Variants in GTF2H3 observed in about 807,000 individuals in gnomAD.
GTF2H3 encodes the protein general transcription factor IIH subunit 3.
A neutral mutation model predicts 51.1 loss-of-function variants in GTF2H3; 42 were observed. The observed-to-expected ratio is 0.82, with a 90% CI of 0.64 to 1.06. The LOEUF (loss-of-function observed/expected upper bound fraction) is 1.06, where lower values mean the gene tolerates loss of function less well. GTF2H3 is among the 50% of genes least tolerant of loss of function. GTF2H3 has a pLI of 0.00. For synonymous variants in GTF2H3, 123 were observed against 123.8 expected (o/e 0.99, Z 0.04); for missense variants, 326 against 366.1 (o/e 0.89, Z 0.89).
intron 1 of GTF2H3, among the ~76,000 whole-genome samples, chr12:123,638,404 C>T (rs1955317732): frequency 6.6e-6 from 1 of 151,822 alleles, no homozygotes; most frequent in Admixed American, 6.6e-5. Context: ...CTTATGACCT[C>T]AAGTGATCCC....
At chr12:123,655,312 A>G (rs968849181) in intron 8 of GTF2H3, among the ~76,000 whole-genome samples, 3 of 152,210 alleles carry the variant, frequency 2.0e-5, no homozygotes, top group African/African-American at 7.2e-5. Context: ...TAAACCTTGC[A>G]TCAGTTTCTT....
At chr12:123,648,761 C>T (rs1299012709) in intron 4 of GTF2H3, among the ~76,000 whole-genome samples, 2 of 152,198 alleles carry the variant, frequency 1.3e-5, no homozygotes, top group Non-Finnish European at 2.9e-5. Context: ...AAATCCTAGT[C>T]GTTTAGCCTC....
chr12:123,648,642 ACAC>A (rs1955481396), intron 4 of GTF2H3, among the ~76,000 whole-genome samples: 1 of 152,002 alleles, frequency 6.6e-6, no homozygotes, highest in African/African-American at 2.4e-5. Flanking sequence ...GCTCTCACTC[ACAC>A]CACCATTTCC....
In GTF2H3 at chr12:123,661,186, A is replaced by G. The variant is rs1194853799; in HGVS notation, c.*951A>G. On this transcript the variant is annotated 3_prime_UTR_variant, in exon 13 of 13. Transcript: ENST00000543341. ...TCTAGAAGCTTTGGACTGAATCCCAAAAGTGTTTATAAGTTCAAAAGCAAA... is the reference window on the plus strand; with the variant it reads ...TCTAGAAGCTTTGGACTGAATCCCAGAAGTGTTTATAAGTTCAAAAGCAAA... The G allele has an allele frequency of 6.6e-6, 1 of 152,202 alleles. No homozygotes were observed. The highest frequency in any genetic ancestry group is 1.5e-5 in the Non-Finnish European group (1 of 68,038). The allele number at this position is 152,202 out of a possible 1,614,324, so 9.4% of individuals were successfully genotyped here. A position where few individuals can be genotyped will look rare whatever the true frequency, so the allele number is the denominator to read the frequency against.
chr12:123,659,585 G>A lies in GTF2H3; in HGVS notation c.684+1G>A. 3 of 1,613,330 alleles carry A rather than the reference G, an allele frequency of 1.9e-6. No homozygotes were observed. The highest frequency in any genetic ancestry group is 1.7e-6 in the Non-Finnish European group (2 of 1,179,360). ...GCCTTCTCTTCTGCAGTATTTGCTGGTAAGGAGACAGCAGCGGCGACCCTG... is the reference window on the plus strand; with the variant it reads ...GCCTTCTCTTCTGCAGTATTTGCTGATAAGGAGACAGCAGCGGCGACCCTG... On this transcript the variant is annotated splice_donor_variant, in intron 10 of 12. Coordinates refer to ENST00000543341, the MANE Select transcript of GTF2H3 (RefSeq NM_001516.5). LOFTEE classifies it high-confidence loss of function.
intron 1 of GTF2H3, among the ~76,000 whole-genome samples, chr12:123,637,504 C>CTTT (rs869031925): frequency 2.8e-5 from 4 of 140,850 alleles, no homozygotes; most frequent in African/African-American, 5.3e-5. Flanking sequence ...TGTTTTTTAA[C>CTTT]TTTTTTTTTT....
intron 8 of GTF2H3, chr12:123,655,445 TTAAAATTTCAGTTTTAATG>T (rs1955574680): frequency 3.2e-6 from 1 of 313,638 alleles, no homozygotes; most frequent in Admixed American, 4.6e-5. Flanking sequence ...GAAAACCTCC[TTAAAATTTCAGTTTTAATG>T]TAAAATGCTG....
chr12:123,651,393 T>C (rs1267363392), intron 5 of GTF2H3, among the ~76,000 whole-genome samples: 1 of 152,072 alleles, frequency 6.6e-6, no homozygotes, highest in Non-Finnish European at 1.5e-5. Flanking sequence ...GTATTTTTAG[T>C]AGAGATGTAG....
chr12:123,653,614 A>C (rs915528982), intron 7 of GTF2H3, among the ~76,000 whole-genome samples: 1 of 151,340 alleles, frequency 6.6e-6, no homozygotes, highest in African/African-American at 2.4e-5. Context: ...GCGCCACTGC[A>C]CTCCAGCCTG....
At chr12:123,648,186 C>T in intron 4 of GTF2H3, 60 bp downstream of exon 4, 2 of 1,135,948 alleles carry the variant, frequency 1.8e-6, no homozygotes, top group Non-Finnish European at 1.3e-6. Flanking sequence ...GTCCTTTAGG[C>T]TTTAAGTTCA....
At chr12:123,634,019 GTAAA>G (rs995178313) in intron 1 of GTF2H3, 147 bp downstream of exon 1, 1 of 836,096 alleles carries the variant, frequency 1.2e-6, no homozygotes, top group African/African-American at 1.7e-5. Flanking sequence ...CATTCATTCA[GTAAA>G]TAGTTTTGGA....
intron 7 of GTF2H3, among the ~76,000 whole-genome samples, chr12:123,654,223 T>G (rs1179524694): frequency 7.2e-6 from 1 of 138,202 alleles, no homozygotes; most frequent in Admixed American, 7.2e-5. Context: ...TTTGGGTTTG[T>G]GTTTGTTTTA....
At chr12:123,648,382 A>G in intron 4 of GTF2H3, 1 of 275,240 alleles carries the variant, frequency 3.6e-6, no homozygotes, top group East Asian at 7.1e-5. Context: ...TCTTTTCTTG[A>G]AACATTATTT....
At chr12:123,642,043 AG>A (rs1566225339) in intron 2 of GTF2H3, among the ~76,000 whole-genome samples, 1 of 150,856 alleles carries the variant, frequency 6.6e-6, no homozygotes, top group East Asian at 2.0e-4. Flanking sequence ...TGGTAGTGAC[AG>A]GGTTTCACCA....
At position 123,655,847 on chromosome 12, in the gene GTF2H3, G is replaced by A. The variant is rs1266555581; in HGVS notation, c.615+23G>A. 3.3e-6 allele frequency: 5 copies of A among 1,510,840 alleles called. No homozygotes were observed. In the East Asian group the frequency reaches 6.8e-5, roughly 21 times the overall value. The allele number at this position is 1,510,840 out of a possible 1,614,324, so 93.6% of individuals were successfully genotyped here. On this transcript the variant is annotated intron_variant, in intron 9 of 12. Coordinates refer to ENST00000543341, the MANE Select transcript of GTF2H3 (RefSeq NM_001516.5). ...CAGGTATGTTTTAAAACCATGCTTT[G>A]TGTCGGTGGTTATGACAATTAGTGA...
chr12:123,635,545 C>T (rs952938630), intron 1 of GTF2H3, among the ~76,000 whole-genome samples: 1 of 141,464 alleles, frequency 7.1e-6, no homozygotes, highest in African/African-American at 2.7e-5. Flanking sequence ...TGCACTCCAG[C>T]TTGGGCGACA....
chr12:123,643,045 G>T (rs897989046), intron 2 of GTF2H3, among the ~76,000 whole-genome samples: 7 of 152,132 alleles, frequency 4.6e-5, no homozygotes, highest in Admixed American at 1.3e-4. Flanking sequence ...CTAATTTTTT[G>T]TGTGTGTATT....
chr12:123,637,878 G>A (rs779489821), intron 1 of GTF2H3, among the ~76,000 whole-genome samples: 11 of 152,122 alleles, frequency 7.2e-5, no homozygotes, highest in Non-Finnish European at 1.2e-4. Context: ...TGACAGCTAC[G>A]CCTCCCTTTA....
intron 1 of GTF2H3, among the ~76,000 whole-genome samples, chr12:123,637,372 T>TA (rs769710584): frequency 3.5e-4 from 53 of 152,012 alleles, no homozygotes; most frequent in African/African-American, 1.2e-3. Flanking sequence ...CCCCATCTCT[T>TA]AAAAAAAACC....
Sources: gnomAD v4.1 joint callset for allele counts (sites outside exome capture counted in the v4.1 genomes callset) on GRCh38, gnomAD v4.1.1 for gene constraint, MANE v1.5 for transcripts, NCBI Gene and HGNC (gene_info 2026-07-23, HGNC 2026-07-21) for gene names.